Variants in CAMTA1 observed in about 807,000 individuals in gnomAD.
CAMTA1 encodes the protein calmodulin binding transcription activator 1, also known as calmodulin-binding transcription activator 1.
CAMTA1 carries 27 observed loss-of-function variants against 170.9 expected under a neutral mutation model. The observed-to-expected ratio is 0.16, with a 90% CI of 0.12 to 0.22. The LOEUF is 0.22. Among genes scored for constraint, CAMTA1 ranks in the 10% least tolerant of loss-of-function variants. The probability of loss-of-function intolerance (pLI) is 1.00; values close to 1 mark genes in which losing one functional copy is unlikely to be tolerated. For missense variants in CAMTA1, 1,619 were observed against 2,217.2 expected (o/e 0.73, Z 5.42); for synonymous variants, 833 against 891.5 (o/e 0.93, Z 1.17).
At chr1:7,667,803 C>T (rs913964608) in intron 9 of CAMTA1, among the ~76,000 whole-genome samples, 2 of 152,194 alleles carry the variant, frequency 1.3e-5, no homozygotes, top group East Asian at 3.9e-4. Context: ...TTCCAGAAGC[C>T]CTCAATGCTT....
chr1:7,124,877 C>A (rs1232324790), intron 4 of CAMTA1, among the ~76,000 whole-genome samples: 2 of 152,090 alleles, frequency 1.3e-5, no homozygotes, highest in African/African-American at 4.8e-5. Context: ...TAGATAAATA[C>A]CATTTTATTC....
intron 3 of CAMTA1, among the ~76,000 whole-genome samples, chr1:6,900,839 T>C (rs1028021664): frequency 2.0e-5 from 3 of 152,370 alleles, no homozygotes; most frequent in African/African-American, 7.2e-5. Context: ...TAGTAAGATG[T>C]CTGTTTTCCC....
intron 4 of CAMTA1, among the ~76,000 whole-genome samples, chr1:7,095,997 T>C (rs1314760088): frequency 4.6e-5 from 7 of 152,256 alleles, no homozygotes; most frequent in African/African-American, 1.7e-4. Context: ...ATCCTGTTTA[T>C]ACCCGTTAGA....
chr1:7,540,405 C>T, intron 6 of CAMTA1, among the ~76,000 whole-genome samples: 1 of 152,142 alleles, frequency 6.6e-6, no homozygotes, highest in East Asian at 1.9e-4. Context: ...TCTCCATGAG[C>T]TCCTGGCTGA....
intron 5 of CAMTA1, among the ~76,000 whole-genome samples, chr1:7,412,723 G>A (rs141698641): frequency 2.6e-3 from 402 of 151,896 alleles, no homozygotes; most frequent in South Asian, 7.3e-3. Flanking sequence ...CACTCTGATG[G>A]TAGTTTCTTT....
intron 5 of CAMTA1, among the ~76,000 whole-genome samples, chr1:7,375,818 T>C (rs975414203): frequency 1.2e-4 from 19 of 152,352 alleles, no homozygotes; most frequent in African/African-American, 4.3e-4. Flanking sequence ...AATGCAAACA[T>C]TAAAGCTTTA....
intron 3 of CAMTA1, among the ~76,000 whole-genome samples, chr1:7,059,015 G>A (rs749736102): frequency 5.3e-5 from 8 of 152,174 alleles, no homozygotes; most frequent in Non-Finnish European, 1.2e-4. Flanking sequence ...CAAGCTACAC[G>A]TTTGGCTCAT....
At chr1:7,242,086 A>C (rs572786551) in intron 4 of CAMTA1, among the ~76,000 whole-genome samples, 306 of 152,350 alleles carry the variant, frequency 2.0e-3, no homozygotes, top group Middle Eastern at 0.014. Flanking sequence ...ATTATATGTA[A>C]AGAGCTCTTA....
At chr1:7,162,270 C>T (rs748408889) in intron 4 of CAMTA1, among the ~76,000 whole-genome samples, 4 of 152,092 alleles carry the variant, frequency 2.6e-5, no homozygotes, top group African/African-American at 7.2e-5. Flanking sequence ...GGACGCCATT[C>T]GAAGGTTTTA....
intron 4 of CAMTA1, among the ~76,000 whole-genome samples, chr1:7,183,383 A>G (rs1267676219): frequency 6.6e-6 from 1 of 152,196 alleles, no homozygotes; most frequent in South Asian, 2.1e-4. Flanking sequence ...GAGGGGACAG[A>G]TATTCAAACC....
chr1:7,471,026 G>A (rs1045749876), intron 6 of CAMTA1, among the ~76,000 whole-genome samples: 4 of 152,220 alleles, frequency 2.6e-5, no homozygotes, highest in South Asian at 2.1e-4. Flanking sequence ...TATCCACCCC[G>A]GGGCGGGAAT....
intron 1 of CAMTA1, among the ~76,000 whole-genome samples, chr1:6,811,043 C>T (rs917167082): frequency 6.6e-6 from 1 of 152,134 alleles, no homozygotes; most frequent in Admixed American, 6.5e-5. Flanking sequence ...CCTTCTGTGC[C>T]CTTTGTCTTC....
intron 6 of CAMTA1, among the ~76,000 whole-genome samples, chr1:7,610,988 C>T (rs993745837): frequency 6.6e-6 from 1 of 152,328 alleles, no homozygotes; most frequent in Non-Finnish European, 1.5e-5. Context: ...CAGGCCCAGG[C>T]CTGAGACCCC....
At chr1:7,512,056 C>T (rs1222204020) in intron 6 of CAMTA1, among the ~76,000 whole-genome samples, 2 of 152,210 alleles carry the variant, frequency 1.3e-5, no homozygotes, top group Non-Finnish European at 2.9e-5. Flanking sequence ...CACTCAGCTG[C>T]CTGGAAGGAA....
intron 3 of CAMTA1, among the ~76,000 whole-genome samples, chr1:6,995,492 C>T (rs548885803): frequency 1.3e-5 from 2 of 151,592 alleles, no homozygotes; most frequent in Non-Finnish European, 2.9e-5. Flanking sequence ...TTAGTAGAGA[C>T]GAGGCTTCAC....
rs535517424 is a variant in CAMTA1 at position 7,380,671 on chromosome 1, T to C, written c.439-87159T>C. Among the ~76,000 whole-genome samples, 3 of 152,234 alleles carry C rather than the reference T, an allele frequency of 2.0e-5. No individual in the cohort carries two copies. The East Asian group carries it at 5.8e-4, about 29-fold the overall frequency. On this transcript the variant is annotated intron_variant, in intron 5 of 22. Coordinates refer to ENST00000303635, the MANE Select transcript of CAMTA1 (RefSeq NM_015215.4). ...AGGGCCTAGTTCCATCAGGTCTTAG[T>C]AAGAATGTGGCATAAATACAGTATT... is the stretch of plus-strand genomic sequence containing the variant.
chr1:7,206,884 A>C (rs1573894266), intron 4 of CAMTA1, among the ~76,000 whole-genome samples: 1 of 152,124 alleles, frequency 6.6e-6, no homozygotes. Flanking sequence ...ATTCTGACCC[A>C]AATGCTGCTT....
intron 7 of CAMTA1, among the ~76,000 whole-genome samples, chr1:7,660,115 C>T (rs921601876): frequency 1.6e-4 from 24 of 152,184 alleles, no homozygotes; most frequent in African/African-American, 5.8e-4. Flanking sequence ...GCTCTCATTC[C>T]CCAGGCTGGA....
intron 11 of CAMTA1, among the ~76,000 whole-genome samples, chr1:7,704,853 G>C (rs2096490820): frequency 6.8e-6 from 1 of 147,412 alleles, no homozygotes; most frequent in Non-Finnish European, 1.5e-5. Flanking sequence ...GCGGCGGCTC[G>C]GCGCAAGCCT....
Sources: gnomAD v4.1 joint callset for allele counts (sites outside exome capture counted in the v4.1 genomes callset) on GRCh38, gnomAD v4.1.1 for gene constraint, MANE v1.5 for transcripts, NCBI Gene and HGNC (gene_info 2026-07-23, HGNC 2026-07-21) for gene names.